Variants in ABCA12 observed in about 807,000 individuals in gnomAD.
The protein encoded by ABCA12 is glucosylceramide transporter ABCA12.
In ABCA12, 156 loss-of-function variants were observed where a neutral mutation model predicts 293.5. The ratio of observed to expected loss-of-function variants is 0.53; its 90% confidence interval spans 0.47 to 0.61. The LOEUF is 0.61. ABCA12 is among the 20% of genes least tolerant of loss of function. The pLI is 0.00. For missense variants in ABCA12, 2,797 were observed against 3,090.2 expected (o/e 0.91, Z 2.25); for synonymous variants, 1,063 against 1,108.0 (o/e 0.96, Z 0.81).
intron 2 of ABCA12, among the ~76,000 whole-genome samples, chr2:215,108,876 G>C (rs1358120738): frequency 6.6e-6 from 1 of 152,104 alleles, no homozygotes; most frequent in Non-Finnish European, 1.5e-5. Flanking sequence ...AGACCAGCCT[G>C]GCCAAGATGG....
At chr2:215,059,196 CAT>C (rs1306202426) in intron 3 of ABCA12, among the ~76,000 whole-genome samples, 1 of 152,036 alleles carries the variant, frequency 6.6e-6, no homozygotes, top group Admixed American at 6.6e-5. Context: ...CACCTGGAAA[CAT>C]ATGAGATTTT....
chr2:215,010,615 G>T, intron 17 of ABCA12, 145 bp from the exon 18 acceptor site: 1 of 955,184 alleles, frequency 1.0e-6, no homozygotes, highest in Non-Finnish European at 1.6e-6. Context: ...TGAGGCATCT[G>T]GTGTCAAAGT....
In ABCA12 at chr2:214,989,437, A is replaced by G. The variant is rs776354159; in HGVS notation, c.3721T>C (p.Ser1241Pro). ...GAGGTGGTGTCATCCTGAACCGGGG[A>G]GGTGTACATATTTTCCCACTGAAGA... ...IGLQWENMYT[S>P]PVQDDTTSFG... Residue 1241 changes from serine (S) to proline (P), a missense_variant, in exon 26 of 53, where the codon TCC becomes CCC. Ser to Pro is a moderately conservative substitution (Grantham distance 74). Around this residue, in one of 3 missense-constraint regions of ABCA12, gnomAD observed 2,130 missense variants for 2,427.0 expected, o/e 0.88. Coordinates refer to ENST00000272895, the MANE Select transcript of ABCA12 (RefSeq NM_173076.3). 4.3e-6 allele frequency: 7 copies of G among 1,613,508 alleles called. No individual in the cohort carries two copies. The East Asian group carries it at 1.6e-4, about 36-fold the overall frequency.
intron 1 of ABCA12, among the ~76,000 whole-genome samples, chr2:215,128,737 AC>A (rs1467334521): frequency 1.3e-5 from 2 of 151,866 alleles, no homozygotes; most frequent in Non-Finnish European, 1.5e-5. Context: ...AATGGGCTTC[AC>A]CTTTCTCTGG....
At chr2:214,944,125 A>C (rs968256150) in intron 49 of ABCA12, among the ~76,000 whole-genome samples, 1 of 152,002 alleles carries the variant, frequency 6.6e-6, no homozygotes, top group Non-Finnish European at 1.5e-5. Context: ...TGAAAAGACC[A>C]TTTCAGGCCA....
intron 43 of ABCA12, among the ~76,000 whole-genome samples, chr2:214,954,588 G>A (rs761087976): frequency 2.0e-5 from 3 of 152,172 alleles, no homozygotes; most frequent in Non-Finnish European, 4.4e-5. Flanking sequence ...TTATTCACAC[G>A]TGGGCCAACT....
chr2:214,973,752 G>A (rs1361643919), intron 36 of ABCA12, among the ~76,000 whole-genome samples, 197 bp downstream of exon 36: 1 of 152,110 alleles, frequency 6.6e-6, no homozygotes, highest in East Asian at 1.9e-4. Context: ...TTGGAAATTG[G>A]TCCTGAGATG....
At chr2:215,074,479 C>T (rs1451659013) in intron 2 of ABCA12, among the ~76,000 whole-genome samples, 5 of 151,934 alleles carry the variant, frequency 3.3e-5, no homozygotes, top group Middle Eastern at 3.2e-3. Flanking sequence ...AAAATAATGA[C>T]GGACTCAGAA....
At chr2:214,978,614 A>AG in intron 32 of ABCA12, 148 bp from the exon 33 acceptor site, 1 of 1,136,858 alleles carries the variant, frequency 8.8e-7, no homozygotes, top group South Asian at 1.4e-5. Flanking sequence ...TGTATGTAAA[A>AG]GATACGTGCT....
intron 1 of ABCA12, among the ~76,000 whole-genome samples, chr2:215,125,670 T>G (rs952755252): frequency 6.6e-6 from 1 of 152,144 alleles, no homozygotes; most frequent in African/African-American, 2.4e-5. Flanking sequence ...ACTGAATTAT[T>G]TTATCAGTTC....
At chr2:214,961,349 T>G (rs1699108270) in intron 39 of ABCA12, among the ~76,000 whole-genome samples, 1 of 152,116 alleles carries the variant, frequency 6.6e-6, no homozygotes, top group Non-Finnish European at 1.5e-5. Context: ...AGGGTCAAAA[T>G]AAACTTTTAT....
intron 11 of ABCA12, among the ~76,000 whole-genome samples, chr2:215,020,523 G>C (rs562364699): frequency 9.3e-4 from 142 of 152,284 alleles, no homozygotes; most frequent in Middle Eastern, 3.4e-3. Flanking sequence ...GTTGTTAGGG[G>C]CTGGGGAAGT....
intron 34 of ABCA12, 37 bp downstream of exon 34, chr2:214,975,748 T>C (rs1316007148): frequency 6.2e-7 from 1 of 1,613,646 alleles, no homozygotes; most frequent in Non-Finnish European, 8.5e-7. Flanking sequence ...TGGAAGCATT[T>C]TGGAAACATT....
chr2:215,079,170 G>A (rs555212296), intron 2 of ABCA12, among the ~76,000 whole-genome samples: 2 of 152,232 alleles, frequency 1.3e-5, no homozygotes, highest in South Asian at 2.1e-4. Context: ...TACTAAAATC[G>A]CAACCCTCAT....
chr2:215,009,697 A>G (rs1230008618), intron 18 of ABCA12, among the ~76,000 whole-genome samples: 1 of 152,152 alleles, frequency 6.6e-6, no homozygotes, highest in Non-Finnish European at 1.5e-5. Context: ...ATTATAGTTG[A>G]ATGGCCAAGT....
intron 50 of ABCA12, among the ~76,000 whole-genome samples, chr2:214,938,534 C>A (rs191014028): frequency 1.4e-4 from 22 of 152,146 alleles, no homozygotes; most frequent in Non-Finnish European, 2.9e-4. Context: ...CTTGAGGAAT[C>A]GCCACACTGT....
intron 1 of ABCA12, among the ~76,000 whole-genome samples, chr2:215,137,490 G>T (rs532886124): frequency 6.6e-6 from 1 of 152,144 alleles, no homozygotes; most frequent in Admixed American, 6.5e-5. Flanking sequence ...TAATTAGAAC[G>T]CAAACATTAA....
intron 1 of ABCA12, among the ~76,000 whole-genome samples, chr2:215,114,594 G>A (rs1702648703): frequency 6.6e-6 from 1 of 152,160 alleles, no homozygotes; most frequent in East Asian, 1.9e-4. Flanking sequence ...GTTCCGAGCA[G>A]CAAATAAGAA....
Position 214,974,020 on chromosome 2 carries a change from G to A in ABCA12, c.5491C>T (p.Leu1831=), listed in dbSNP as rs1699450809. 1 of 1,613,932 alleles carries A rather than the reference G, an allele frequency of 6.2e-7. No homozygotes were observed. The highest frequency in any genetic ancestry group is 2.2e-5 in the East Asian group (1 of 44,840). The part of the protein sequence containing the change: ...SDLQCLNKDS[L]EKWNTSGEPI... ...TCTCCACTGGTGTTCCATTTTTCCA[G>A]ACTGTCTTTGTTTAAACACTGTCTG... The change falls in exon 36 of 53, where the codon CTG becomes TTG. Residue 1831 remains leucine, a synonymous_variant. Transcript: ENST00000272895.
Sources: allele counts gnomAD v4.1 joint callset (sites outside exome capture counted in the v4.1 genomes callset), GRCh38; gene constraint gnomAD v4.1.1; regional missense constraint gnomAD v4.1.1; transcripts MANE v1.5; gene names NCBI Gene and HGNC (gene_info 2026-07-23, HGNC 2026-07-21).